Variants in DAD1 observed in about 807,000 individuals in gnomAD.
DAD1 encodes the protein dolichyl-diphosphooligosaccharide--protein glycosyltransferase subunit DAD1.
Under a neutral mutation model 9.0 loss-of-function variants are expected in DAD1, and 4 were observed. The ratio of observed to expected loss-of-function variants is 0.44; its 90% CI spans 0.22 to 1.01. The LOEUF (loss-of-function observed/expected upper bound fraction) is 1.01. Among genes scored for constraint, DAD1 ranks in the 50% least tolerant of loss-of-function variants. The probability of loss-of-function intolerance (pLI) is 0.24; values close to 1 mark genes in which losing one functional copy is unlikely to be tolerated. For missense variants in DAD1, 119 were observed against 137.3 expected, an observed-to-expected ratio of 0.87 and a Z score of 0.67; for synonymous variants, 60 against 62.5, an observed-to-expected ratio of 0.96 and a Z score of 0.19.
chr14:22,572,469 A>G (rs1293190449), intron 2 of DAD1, among the ~76,000 whole-genome samples: 1 of 152,190 alleles, frequency 6.6e-6, no homozygotes, highest in African/African-American at 2.4e-5. Context: ...CCCCAGAGAG[A>G]AAGATTTTTC....
chr14:22,585,134 G>A (rs1027887849), intron 1 of DAD1, among the ~76,000 whole-genome samples: 2 of 152,192 alleles, frequency 1.3e-5, no homozygotes, highest in East Asian at 1.9e-4. Context: ...AATAGCTCCC[G>A]TGAGACAGAA....
chr14:22,584,542 G>A (rs1259613083), intron 1 of DAD1, among the ~76,000 whole-genome samples: 1 of 150,942 alleles, frequency 6.6e-6, no homozygotes, highest in African/African-American at 2.4e-5. Context: ...GCAAGACCTT[G>A]TTCTCTTTAA....
At chr14:22,574,953 G>C in intron 2 of DAD1, 106 bp downstream of exon 2, 1 of 912,324 alleles carries the variant, frequency 1.1e-6, no homozygotes, top group Non-Finnish European at 1.6e-6. Context: ...TTCTGCAAAT[G>C]TCAATAGCAG....
chr14:22,575,798 C>T (rs773948832), intron 1 of DAD1, among the ~76,000 whole-genome samples: 1 of 152,162 alleles, frequency 6.6e-6, no homozygotes, highest in South Asian at 2.1e-4. Flanking sequence ...CCACCTGCCT[C>T]GGCTTCCCAA....
At chr14:22,580,276 C>T (rs1218388375) in intron 1 of DAD1, among the ~76,000 whole-genome samples, 1 of 151,834 alleles carries the variant, frequency 6.6e-6, no homozygotes, top group Admixed American at 6.6e-5. Context: ...TTTAATTAGC[C>T]AGGTGTGGTA....
chr14:22,568,510 A>C (rs1248231512), intron 2 of DAD1, among the ~76,000 whole-genome samples: 1 of 152,182 alleles, frequency 6.6e-6, no homozygotes, highest in African/African-American at 2.4e-5. Context: ...AAAACAGTAC[A>C]ATCCTCCTCA....
chr14:22,586,987 T>C (rs542767600), intron 1 of DAD1, among the ~76,000 whole-genome samples: 1 of 152,216 alleles, frequency 6.6e-6, no homozygotes, highest in South Asian at 2.1e-4. Context: ...TTGGCCCCAT[T>C]ACTAATATGC....
At chr14:22,579,877 T>C (rs1255116234) in intron 1 of DAD1, among the ~76,000 whole-genome samples, 6 of 129,682 alleles carry the variant, frequency 4.6e-5, no homozygotes, top group Admixed American at 2.6e-4. Context: ...TCTCACTCCA[T>C]CACCCAGGCT....
At chr14:22,567,295 A>C (rs2037007743) in intron 2 of DAD1, 1 of 152,248 alleles carries the variant, frequency 6.6e-6, no homozygotes, top group African/African-American at 2.4e-5. Flanking sequence ...CTATTCAGAC[A>C]CTAGCACTGG....
intron 2 of DAD1, among the ~76,000 whole-genome samples, chr14:22,570,829 A>T (rs1413815244): frequency 1.3e-5 from 2 of 152,190 alleles, no homozygotes; most frequent in Non-Finnish European, 2.9e-5. Flanking sequence ...GCATTTGGCA[A>T]CTATCTCCCT....
In DAD1 at chr14:22,589,200, A is replaced by T; in HGVS notation, c.-43T>A. ...TCCGGTCCGCGCCCCAAACTCTTGG[A>T]GGACCCGTCGACCACACCGGATGTG... On this transcript the variant is annotated 5_prime_UTR_variant, in exon 1 of 3. Coordinates refer to ENST00000250498, the MANE Select transcript of DAD1 (RefSeq NM_001344.4). 5 of 1,603,020 alleles carry T rather than the reference A, an allele frequency of 3.1e-6. No individual in the cohort carries two copies. The highest frequency in any genetic ancestry group is 4.3e-6 in the Non-Finnish European group (5 of 1,171,010).
rs750244839 is a variant in DAD1 at position 22,589,181 on chromosome 14, C to A, written c.-24G>T. On this transcript the variant is annotated 5_prime_UTR_variant, in exon 1 of 3. Coordinates refer to ENST00000250498, the MANE Select transcript of DAD1 (RefSeq NM_001344.4). Reference sequence around the variant, plus strand: ...ATAACTGCACGCAAGGTACTCCGGTCCGCGCCCCAAACTCTTGGAGGACCC... The same window carrying A: ...ATAACTGCACGCAAGGTACTCCGGTACGCGCCCCAAACTCTTGGAGGACCC... 7 of 1,613,080 alleles carry A rather than the reference C, an allele frequency of 4.3e-6. No homozygotes were observed. Among genetic ancestry groups the A allele is most frequent in the Non-Finnish European group, 5.1e-6 (6 of 1,179,256 alleles).
At chr14:22,586,105 CTG>C (rs1333663348) in intron 1 of DAD1, among the ~76,000 whole-genome samples, 4 of 151,564 alleles carry the variant, frequency 2.6e-5, no homozygotes, top group African/African-American at 9.7e-5. Flanking sequence ...ACTCAGGAGG[CTG>C]AGGCAGGAGA....
chr14:22,588,014 G>A (rs938695080), intron 1 of DAD1, among the ~76,000 whole-genome samples: 10 of 152,188 alleles, frequency 6.6e-5, no homozygotes, highest in Admixed American at 3.9e-4. Context: ...GGGATTACAG[G>A]CATGAGCCAC....
At chr14:22,586,674 T>C (rs5742747) in intron 1 of DAD1, among the ~76,000 whole-genome samples, 35,719 of 152,046 alleles carry the variant, frequency 0.23, 5,037 homozygotes, top group African/African-American at 0.39. Flanking sequence ...CAACAGGAAA[T>C]TCCACAGGAA....
rs550218969 is a variant in DAD1, at chr14:22,572,102, ATTTT to A, written c.*44+2953_*44+2956del. Among the ~76,000 whole-genome samples the A allele has an allele frequency of 8.2e-3, 1,243 of 152,142 alleles. 11 individuals are homozygous for A. The highest frequency in any genetic ancestry group is 0.027 in the African/African-American group (1,139 of 41,500). Reference sequence around the variant, plus strand: ...TTCCTTACTTCCCCTTGAATTGTTTATTTTTTTAACCCAATGCCATTTTCTTTTG... The same window carrying A: ...TTCCTTACTTCCCCTTGAATTGTTTATTTAACCCAATGCCATTTTCTTTTG... On this transcript the variant is annotated intron_variant, in intron 2 of 2. Coordinates refer to ENST00000250498, the MANE Select transcript of DAD1 (RefSeq NM_001344.4).
At chr14:22,579,136 G>C (rs2037098272) in intron 1 of DAD1, among the ~76,000 whole-genome samples, 1 of 151,542 alleles carries the variant, frequency 6.6e-6, no homozygotes, top group Non-Finnish European at 1.5e-5. Context: ...TCTCAAAAAA[G>C]GCAGAAGACC....
chr14:22,580,770 G>T (rs1252251178), intron 1 of DAD1, among the ~76,000 whole-genome samples: 2 of 152,134 alleles, frequency 1.3e-5, no homozygotes, highest in Non-Finnish European at 2.9e-5. Context: ...GGTGGTAGGG[G>T]GTGGCCATGC....
chr14:22,574,917 T>C (rs1320384556), intron 2 of DAD1, 142 bp downstream of exon 2: 2 of 617,992 alleles, frequency 3.2e-6, no homozygotes, highest in Admixed American at 3.0e-5. Context: ...ATGATATTAA[T>C]GCATACTTTG....
Sources: gnomAD v4.1 joint callset for allele counts (sites outside exome capture counted in the v4.1 genomes callset) on GRCh38, gnomAD v4.1.1 for gene constraint, MANE v1.5 for transcripts, NCBI Gene and HGNC (gene_info 2026-07-23, HGNC 2026-07-21) for gene names.